The following TRIM16 variants were observed in gnomAD, a reference collection of about 807,000 sequenced individuals.
TRIM16 encodes tripartite motif containing 16.
In TRIM16, 33 loss-of-function variants were observed where a neutral mutation model predicts 50.4. The observed-to-expected ratio is 0.65, with a 90% CI of 0.50 to 0.88. TRIM16 has a LOEUF of 0.88. TRIM16 is among the 40% of genes least tolerant of loss of function. The probability of loss-of-function intolerance (pLI) is 0.00; values close to 1 mark genes in which losing one functional copy is unlikely to be tolerated. For missense variants in TRIM16, 581 were observed against 686.8 expected, an observed-to-expected ratio of 0.85 and a Z score of 1.72; for synonymous variants, 229 against 270.7, an observed-to-expected ratio of 0.85 and a Z score of 1.51.
At chr17:15,659,671 A>C (rs1038830835) in intron 6 of TRIM16, among the ~76,000 whole-genome samples, 2 of 152,232 alleles carry the variant, frequency 1.3e-5, no homozygotes, top group Admixed American at 1.3e-4. Flanking sequence ...AAATGAAGTA[A>C]ATCTTTAAAA....
chr17:15,661,460 C>T (rs960567538), intron 6 of TRIM16, among the ~76,000 whole-genome samples: 2 of 152,178 alleles, frequency 1.3e-5, no homozygotes, highest in Admixed American at 6.5e-5. Context: ...ATTCATATTT[C>T]GCAGCTCCTT....
chr17:15,647,029 C>T (rs1193697502), intron 7 of TRIM16, among the ~76,000 whole-genome samples: 5 of 151,058 alleles, frequency 3.3e-5, no homozygotes, highest in African/African-American at 9.7e-5. Context: ...TGCAATGGCG[C>T]GATCTCGGTT....
rs536650251 is a variant in TRIM16, at chr17:15,631,959, A to G, written c.1016-245T>C. ...AAGTATAGGCATCAGCAACCTGGGA[A>G]GCTAGTCACAGAAATGCCAGCCGAT... On this transcript the variant is annotated intron_variant, in intron 10 of 11. Coordinates refer to ENST00000649191, the MANE Select transcript of TRIM16 (RefSeq NM_001348119.1). 5.7e-6 allele frequency: 3 copies of G among 525,998 alleles called. No individual in the cohort carries two copies. In the South Asian group the frequency reaches 6.4e-5, roughly 11 times the overall value. 32.6% of individuals were successfully genotyped at this position (525,998 alleles called of 1,614,324 possible). A position where few individuals can be genotyped will look rare whatever the true frequency, so the allele number is the denominator to read the frequency against.
chr17:15,629,771 A>T (rs199710793), intron 11 of TRIM16, among the ~76,000 whole-genome samples: 2,365 of 152,212 alleles, frequency 0.016, 8 homozygotes, highest in East Asian at 0.023. Flanking sequence ...TTTTGCCCTC[A>T]TCCTCTTCCC....
chr17:15,642,627 G>A lies in TRIM16; in HGVS notation c.615+94C>T, dbSNP rs1339627821. The A allele has an allele frequency of 1.4e-5, 15 of 1,093,740 alleles. No individual in the cohort carries two copies. The East Asian group carries it at 4.4e-4, about 32-fold the overall frequency. 67.8% of individuals were successfully genotyped at this position (1,093,740 alleles called of 1,614,324 possible). On this transcript the variant is annotated intron_variant, in intron 8 of 11. Coordinates refer to ENST00000649191, the MANE Select transcript of TRIM16 (RefSeq NM_001348119.1). ...AACTGTACCTACAATTCTCATTTGT[G>A]GAGAAACCCCAAGGAACCTACAGGA...
chr17:15,651,785 C>T lies in TRIM16; in HGVS notation c.-176G>A, dbSNP rs1000083719. 4.1e-6 allele frequency: 6 copies of T among 1,468,284 alleles called. No individual in the cohort carries two copies. The highest frequency in any genetic ancestry group is 1.4e-5 in the African/African-American group (1 of 70,918). 91.0% of individuals were successfully genotyped at this position (1,468,284 alleles called of 1,614,324 possible). A position where few individuals can be genotyped will look rare whatever the true frequency, so the allele number is the denominator to read the frequency against. On this transcript the variant is annotated 5_prime_UTR_variant, in exon 7 of 12. Coordinates refer to ENST00000649191, the MANE Select transcript of TRIM16 (RefSeq NM_001348119.1). ...ATTACTGTGTGCTGGCGCTGGATGG[C>T]AGCCAGATGCGATGACGACAAGGCA...
rs747987898 is a variant in TRIM16 at position 15,636,088 on chromosome 17, T to A, written c.797A>T (p.Lys266Met). The change falls in exon 9 of 12, where the codon AAG becomes ATG. Residue 266 changes from lysine to methionine, a missense_variant. By Grantham distance (95) the Lys-to-Met change is moderately conservative. Coordinates refer to ENST00000649191, the MANE Select transcript of TRIM16 (RefSeq NM_001348119.1). ...EYRSAEMEKS[K>M]QELERMAAIS... The stretch of plus-strand genomic sequence containing the variant: ...GGCCGCCATCCTCTCCAGCTCCTGC[T>A]TGCTCTTCTCCATCTCGGCACTCCT... The A allele has an allele frequency of 1.8e-5, 29 of 1,609,502 alleles. No individual in the cohort carries two copies. Among genetic ancestry groups the A allele is most frequent in the Non-Finnish European group, 2.3e-5 (27 of 1,178,816 alleles).
At chr17:15,660,897 C>CA (rs550489491) in intron 6 of TRIM16, among the ~76,000 whole-genome samples, 781 of 59,680 alleles carry the variant, frequency 0.013, 8 homozygotes, top group Middle Eastern at 0.019. Flanking sequence ...GACTCCATCT[C>CA]AAAAAAAAAA....
chr17:15,646,122 G>A (rs1332801955), intron 7 of TRIM16, among the ~76,000 whole-genome samples: 1 of 152,170 alleles, frequency 6.6e-6, no homozygotes, highest in African/African-American at 2.4e-5. Context: ...AGCATCGAGA[G>A]TGAGGGGCTT....
chr17:15,682,353 G>T (rs1447722088), intron 3 of TRIM16, among the ~76,000 whole-genome samples: 4 of 152,202 alleles, frequency 2.6e-5, no homozygotes, highest in Non-Finnish European at 4.4e-5. Flanking sequence ...ATCAGTCGGG[G>T]CTAAGGTAGA....
At position 15,636,731 on chromosome 17, in the gene TRIM16, G is replaced by A. The variant is rs1986767575; in HGVS notation, c.616-462C>T. On this transcript the variant is annotated intron_variant, in intron 8 of 11. Coordinates refer to ENST00000649191, the MANE Select transcript of TRIM16 (RefSeq NM_001348119.1). ...CTGAGTCCATCAGAGCCAAATGCATGTCTAAGATGATACTGTCTCTACCAC... is the reference window on the plus strand; with the variant it reads ...CTGAGTCCATCAGAGCCAAATGCATATCTAAGATGATACTGTCTCTACCAC... Among the ~76,000 whole-genome samples, 2 of 146,534 alleles carry A rather than the reference G, an allele frequency of 1.4e-5. 1 individual carries two copies. Among genetic ancestry groups the A allele is most frequent in the Non-Finnish European group, 3.0e-5 (2 of 66,822 alleles).
chr17:15,682,716 T>C (rs1398024717), intron 3 of TRIM16, 138 bp downstream of exon 3: 2 of 790,426 alleles, frequency 2.5e-6, no homozygotes, highest in Non-Finnish European at 3.4e-6. Context: ...TTCCAAGGAG[T>C]CCGACTTATC....
chr17:15,628,628 C>A lies in TRIM16; in HGVS notation c.1682G>T (p.Gly561Val), dbSNP rs1060903. ...EPEKPAPSLV[G>V]TAP The stretch of plus-strand genomic sequence containing the variant: ...GGCTCCTGGAGTCTAGGGAGCAGTC[C>A]CCACCAAGGACGGTGCTGGCTTCTC... The change falls in exon 12 of 12, where the codon GGG (glycine) becomes GTG (valine). Residue 561 changes from glycine (G) to valine (V), a missense_variant. Gly to Val is a moderately radical substitution (Grantham distance 109). This residue lies in a region of TRIM16 where 16 missense variants were observed against 35.8 expected (regional missense o/e 0.45). Coordinates refer to ENST00000649191, the MANE Select transcript of TRIM16 (RefSeq NM_001348119.1). 390,781 of 1,607,676 alleles carry A rather than the reference C, an allele frequency of 0.24. 48,021 individuals carry two copies. Among genetic ancestry groups the A allele is most frequent in the Admixed American group, 0.29 (17,188 of 59,498 alleles).
chr17:15,628,762 C>G lies in TRIM16; in HGVS notation c.1548G>C (p.Met516Ile). The G allele has an allele frequency of 2.5e-6, 4 of 1,614,182 alleles. No homozygotes were observed. The highest frequency in any genetic ancestry group is 1.3e-5 in the African/African-American group (1 of 75,034). ...TGCAGGCAAACTTGTGAACCAGAGTCATGGTATCATACTCTACGCCATAGA... is the reference window on the plus strand; with the variant it reads ...TGCAGGCAAACTTGTGAACCAGAGTGATGGTATCATACTCTACGCCATAGA... Reference protein sequence around the residue: ...LSFYGVEYDTMTLVHKFACKF... With the variant: ...LSFYGVEYDTITLVHKFACKF... The change falls in exon 12 of 12, where the codon ATG (methionine) becomes ATC (isoleucine). Residue 516 changes from methionine (M) to isoleucine (I), a missense_variant. Around this residue, in one of 3 missense-constraint regions of TRIM16, gnomAD observed 115 missense variants for 106.7 expected, o/e 1.08. Coordinates refer to ENST00000649191, the MANE Select transcript of TRIM16 (RefSeq NM_001348119.1).
chr17:15,635,963 G>C lies in TRIM16; in HGVS notation c.849+73C>G, dbSNP rs1986714192. Reference sequence around the variant, plus strand: ...CAAAAAACAGTTCCATTCACAGATGGCCATGGGCCTAGCAAAGAGAGGGTG... The same window carrying C: ...CAAAAAACAGTTCCATTCACAGATGCCCATGGGCCTAGCAAAGAGAGGGTG... On this transcript the variant is annotated intron_variant, in intron 9 of 11. Transcript: ENST00000649191. 11 of 1,498,406 alleles carry C rather than the reference G, an allele frequency of 7.3e-6. No homozygotes were observed. The South Asian group carries it at 1.2e-4, about 16-fold the overall frequency. 92.8% of individuals were successfully genotyped at this position (1,498,406 alleles called of 1,614,324 possible).
intron 9 of TRIM16, among the ~76,000 whole-genome samples, chr17:15,635,242 G>C (rs1986673399): frequency 1.4e-5 from 2 of 147,382 alleles, no homozygotes; most frequent in Non-Finnish European, 3.0e-5. Flanking sequence ...GTTGATAAAT[G>C]AGAAATTTGA....
intron 3 of TRIM16, among the ~76,000 whole-genome samples, chr17:15,681,868 A>AG (rs1301019829): frequency 1.3e-5 from 2 of 152,238 alleles, no homozygotes; most frequent in Non-Finnish European, 2.9e-5. Context: ...GTTTGGGGGA[A>AG]GAAGTAGTTC....
At chr17:15,652,094 T>C in intron 6 of TRIM16, 148 bp from the exon 7 acceptor site, 1 of 406,668 alleles carries the variant, frequency 2.5e-6, no homozygotes, top group African/African-American at 2.2e-5. Context: ...TCTACTCCCA[T>C]CTCATAGAAC....
At chr17:15,637,352 GT>G (rs1986841416) in intron 8 of TRIM16, among the ~76,000 whole-genome samples, 1 of 115,246 alleles carries the variant, frequency 8.7e-6, no homozygotes, top group African/African-American at 4.2e-5. Context: ...AGATGGGGGG[GT>G]CAGCCCCCCT....
Sources: allele counts gnomAD v4.1 joint callset (sites outside exome capture counted in the v4.1 genomes callset), GRCh38; gene constraint gnomAD v4.1.1; regional missense constraint gnomAD v4.1.1; transcripts MANE v1.5; gene names NCBI Gene and HGNC (gene_info 2026-07-23, HGNC 2026-07-21).